Variants in LRRTM4 observed in about 807,000 individuals in gnomAD.
The protein encoded by LRRTM4 is leucine-rich repeat transmembrane neuronal protein 4.
A neutral mutation model predicts 47.6 loss-of-function variants in LRRTM4; 25 were observed. The ratio of observed to expected loss-of-function variants is 0.53; its 90% CI spans 0.38 to 0.73. The LOEUF is 0.73. LRRTM4 is among the 30% of genes least tolerant of loss of function. The pLI, the probability that LRRTM4 is intolerant of heterozygous loss-of-function variation, is 0.00. For missense variants in LRRTM4, 638 were observed against 713.4 expected (o/e 0.89, Z 1.20); for synonymous variants, 311 against 269.5 (o/e 1.15, Z -1.51).
intron 3 of LRRTM4, among the ~76,000 whole-genome samples, chr2:77,260,803 T>A (rs1267781431): frequency 6.6e-6 from 1 of 152,028 alleles, no homozygotes; most frequent in East Asian, 1.9e-4. Context: ...GAAAACAAAG[T>A]CACGCCGAGC....
At chr2:77,204,237 T>A (rs1193166972) in intron 3 of LRRTM4, among the ~76,000 whole-genome samples, 1 of 152,156 alleles carries the variant, frequency 6.6e-6, no homozygotes, top group African/African-American at 2.4e-5. Flanking sequence ...ACTGTGAGCT[T>A]CACTTGCTCA....
At chr2:77,259,565 T>C (rs1009320949) in intron 3 of LRRTM4, among the ~76,000 whole-genome samples, 3 of 152,032 alleles carry the variant, frequency 2.0e-5, no homozygotes, top group Non-Finnish European at 2.9e-5. Flanking sequence ...TAGACATAAA[T>C]AGTTATGGTA....
At chr2:77,274,365 G>A (rs984793020) in intron 3 of LRRTM4, among the ~76,000 whole-genome samples, 7 of 152,238 alleles carry the variant, frequency 4.6e-5, no homozygotes, top group South Asian at 4.1e-4. Context: ...GCAGAGAAAC[G>A]TGGTGAAACC....
chr2:76,974,253 TACAC>T (rs79455132), intron 3 of LRRTM4, among the ~76,000 whole-genome samples: 2 of 137,564 alleles, frequency 1.5e-5, no homozygotes, highest in Non-Finnish European at 3.0e-5. Flanking sequence ...TATATATATA[TACAC>T]ACACATACAT....
chr2:77,360,734 A>T (rs2104315206), intron 3 of LRRTM4, among the ~76,000 whole-genome samples: 1 of 152,254 alleles, frequency 6.6e-6, no homozygotes. Flanking sequence ...ATTACAATGT[A>T]ACTAAATGGA....
intron 3 of LRRTM4, among the ~76,000 whole-genome samples, chr2:77,064,295 A>G (rs989747807): frequency 6.6e-6 from 1 of 152,164 alleles, no homozygotes; most frequent in African/African-American, 2.4e-5. Flanking sequence ...GTATGATTAT[A>G]TATCATTTAA....
intron 3 of LRRTM4, among the ~76,000 whole-genome samples, chr2:76,956,968 A>G (rs1353558263): frequency 6.6e-6 from 1 of 151,720 alleles, no homozygotes; most frequent in Non-Finnish European, 1.5e-5. Flanking sequence ...AGAAAAGTTC[A>G]TGTTCATCAC....
At chr2:76,748,991 T>C (rs1298304426) in intron 3 of LRRTM4, 75 bp from the exon 4 acceptor site, 1 of 1,238,462 alleles carries the variant, frequency 8.1e-7, no homozygotes, top group South Asian at 1.3e-5. Flanking sequence ...CATCAGGTTG[T>C]ATTTTTGTTC....
Position 77,519,232 on chromosome 2 carries a change from C to G in LRRTM4, c.637G>C (p.Glu213Gln). 6.2e-7 allele frequency: 1 copy of G among 1,613,272 alleles called. No homozygotes were observed. Among genetic ancestry groups the G allele is most frequent in the Non-Finnish European group, 8.5e-7 (1 of 1,179,576 alleles). The change falls in exon 3 of 4, where the codon GAG becomes CAG. Residue 213 changes from glutamate (E) to glutamine (Q), a missense_variant. By Grantham distance (29) the Glu-to-Gln change is conservative. Transcript: ENST00000409884. The surrounding 1 kb of genome is among the most constrained non-coding windows in gnomAD (Gnocchi z 4.6). ...GLLKLKELHL[E>Q]HNQFSKINFA... ...TTGATCTTGGAAAACTGGTTGTGCT[C>G]CAGGTGGAGCTCCTTTAACTTCAAG...
chr2:76,992,842 C>CT lies in LRRTM4; in HGVS notation c.1552-243927dup, dbSNP rs201050060. ...GAAATCCTGAGGAAAAAAAAAAAAG[C>CT]TGGGTGTATCATATTACTTGACTTC... On this transcript the variant is annotated intron_variant, in intron 3 of 3. Coordinates refer to ENST00000409884, the MANE Select transcript of LRRTM4 (RefSeq NM_001134745.3). Among the ~76,000 whole-genome samples, 15 of 87,596 alleles carry CT rather than the reference C, an allele frequency of 1.7e-4. 1 individual carries two copies. Among genetic ancestry groups the CT allele is most frequent in the African/African-American group, 7.9e-4 (15 of 18,990 alleles). 57.5% of individuals were successfully genotyped at this position (87,596 alleles called of 152,430 possible).
intron 3 of LRRTM4, among the ~76,000 whole-genome samples, chr2:76,792,492 T>TTTG (rs1308553874): frequency 6.6e-6 from 1 of 152,050 alleles, no homozygotes; most frequent in Non-Finnish European, 1.5e-5. Flanking sequence ...TCCTGAAGAG[T>TTTG]TTGTAGTATA....
At chr2:76,797,805 G>A (rs1675430086) in intron 3 of LRRTM4, among the ~76,000 whole-genome samples, 1 of 150,862 alleles carries the variant, frequency 6.6e-6, no homozygotes, top group African/African-American at 2.4e-5. Context: ...AAAAAGGCAG[G>A]GGTTGCAATC....
At chr2:76,842,196 G>C (rs1671703992) in intron 3 of LRRTM4, among the ~76,000 whole-genome samples, 1 of 152,120 alleles carries the variant, frequency 6.6e-6, no homozygotes, top group Non-Finnish European at 1.5e-5. Flanking sequence ...GCTTGGGCTG[G>C]TGGTTTATCA....
intron 3 of LRRTM4, among the ~76,000 whole-genome samples, chr2:77,318,088 G>T (rs1011070378): frequency 1.2e-4 from 17 of 136,854 alleles, no homozygotes; most frequent in Non-Finnish European, 2.4e-4. Context: ...CTCACTACAA[G>T]CTCCGCCTCC....
chr2:77,391,249 T>A (rs971747101), intron 3 of LRRTM4, among the ~76,000 whole-genome samples: 1 of 152,042 alleles, frequency 6.6e-6, no homozygotes, highest in African/African-American at 2.4e-5. Flanking sequence ...GAAATGTGTA[T>A]GTGCTTCTAT....
intron 3 of LRRTM4, among the ~76,000 whole-genome samples, chr2:76,918,901 T>TA (rs1674341835): frequency 6.6e-6 from 1 of 152,162 alleles, no homozygotes; most frequent in Non-Finnish European, 1.5e-5. Flanking sequence ...AGATAACCCT[T>TA]TGGCTCAACC....
rs566420452 is a variant in LRRTM4 at position 76,806,589 on chromosome 2, T to G, written c.1552-57673A>C. Among the ~76,000 whole-genome samples, 6 of 136,784 alleles carry G rather than the reference T, an allele frequency of 4.4e-5. No homozygotes were observed. In the South Asian group the frequency reaches 1.5e-3, roughly 35 times the overall value. The allele number at this position is 136,784 out of a possible 152,430, so 89.7% of individuals were successfully genotyped here. A position where few individuals can be genotyped will look rare whatever the true frequency, so the allele number is the denominator to read the frequency against. ...AGAGGAAAACCCCGTCTCAAAACAT[T>G]TTTTTTAAAAAGAAAAAAAACATAT... On this transcript the variant is annotated intron_variant, in intron 3 of 3. Coordinates refer to ENST00000409884, the MANE Select transcript of LRRTM4 (RefSeq NM_001134745.3).
At chr2:76,884,953 G>GA (rs1454690292) in intron 3 of LRRTM4, among the ~76,000 whole-genome samples, 1 of 151,842 alleles carries the variant, frequency 6.6e-6, no homozygotes, top group Non-Finnish European at 1.5e-5. Context: ...TTAATGATCT[G>GA]AAAAAAAGCT....
intron 3 of LRRTM4, among the ~76,000 whole-genome samples, chr2:76,877,037 A>G (rs1400393500): frequency 6.6e-6 from 1 of 152,098 alleles, no homozygotes. Flanking sequence ...GAATGTGGGC[A>G]TCTTTTCTCA....
Sources: gnomAD v4.1 joint callset for allele counts (sites outside exome capture counted in the v4.1 genomes callset) on GRCh38, gnomAD v4.1.1 for gene constraint, Gnocchi (gnomAD v3.1) non-coding constraint, MANE v1.5 for transcripts, NCBI Gene and HGNC (gene_info 2026-07-23, HGNC 2026-07-21) for gene names.